Variants in NUP98 observed in about 807,000 individuals in gnomAD.
NUP98 encodes the protein nucleoporin 98 and 96 precursor.
Under a neutral mutation model 191.9 loss-of-function variants are expected in NUP98, and 26 were observed. That is an observed-to-expected ratio of 0.14 (90% confidence interval 0.10 to 0.19). NUP98 has a LOEUF of 0.19. Among genes scored for constraint, NUP98 ranks in the 10% least tolerant of loss-of-function variants. The pLI, the probability that NUP98 is intolerant of heterozygous loss-of-function variation, is 1.00. For missense variants in NUP98, 1,941 were observed against 2,178.8 expected (o/e 0.89, Z 2.17); for synonymous variants, 808 against 778.4 (o/e 1.04, Z -0.63).
intron 10 of NUP98, among the ~76,000 whole-genome samples, chr11:3,754,867 G>C (rs550413161): frequency 6.7e-6 from 1 of 150,188 alleles, no homozygotes; most frequent in Non-Finnish European, 1.5e-5. Context: ...GCTTAAACCC[G>C]GGAGGCAGAG....
At chr11:3,731,031 C>T (rs186727017) in intron 14 of NUP98, among the ~76,000 whole-genome samples, 1 of 152,288 alleles carries the variant, frequency 6.6e-6, no homozygotes, top group African/African-American at 2.4e-5. Flanking sequence ...CTTTGGGAGG[C>T]CAGGCGGCAG....
At chr11:3,760,422 C>T (rs2081125564) in intron 10 of NUP98, 117 bp downstream of exon 10, 1 of 1,418,800 alleles carries the variant, frequency 7.0e-7, no homozygotes, top group Non-Finnish European at 9.9e-7. Flanking sequence ...TCATACGAAT[C>T]AGGAGAATAA....
intron 1 of NUP98, among the ~76,000 whole-genome samples, chr11:3,795,992 C>T (rs2082530470): frequency 6.6e-6 from 1 of 152,194 alleles, no homozygotes; most frequent in South Asian, 2.1e-4. Context: ...AATAATTTTA[C>T]CCAAGTATTT....
chr11:3,702,366 CTCTA>C (rs1261267231), intron 23 of NUP98, 93 bp downstream of exon 23: 7 of 689,366 alleles, frequency 1.0e-5, no homozygotes, highest in African/African-American at 2.2e-5. Context: ...CTCTCTCTCT[CTCTA>C]GAAAGATGAC....
At chr11:3,777,458 T>C (rs1422473816) in intron 4 of NUP98, among the ~76,000 whole-genome samples, 1 of 151,104 alleles carries the variant, frequency 6.6e-6, no homozygotes, top group South Asian at 2.1e-4. Flanking sequence ...CCATCTCTAC[T>C]AAAAATACAA....
intron 14 of NUP98, among the ~76,000 whole-genome samples, chr11:3,726,563 T>G (rs1198118290): frequency 6.7e-6 from 1 of 149,926 alleles, no homozygotes; most frequent in Non-Finnish European, 1.5e-5. Context: ...TTTAAACAAC[T>G]TTATGCCAAT....
At chr11:3,721,128 C>T (rs2079385297) in intron 16 of NUP98, 1 of 171,290 alleles carries the variant, frequency 5.8e-6, no homozygotes, top group African/African-American at 2.4e-5. Flanking sequence ...GATTTAACCA[C>T]AGAACATTAT....
At chr11:3,696,384 C>T (rs1273417251) in intron 25 of NUP98, among the ~76,000 whole-genome samples, 1 of 151,460 alleles carries the variant, frequency 6.6e-6, no homozygotes, top group Non-Finnish European at 1.5e-5. Flanking sequence ...TGACTGGAGT[C>T]CCAGCTACTC....
rs1183062936 is a variant in NUP98, at chr11:3,711,697, A to G, written c.2742+867T>C. 9 of 269,438 alleles carry G rather than the reference A, an allele frequency of 3.3e-5. No individual in the cohort carries two copies. The East Asian group carries it at 5.0e-4, about 15-fold the overall frequency. 16.7% of individuals were successfully genotyped at this position (269,438 alleles called of 1,614,324 possible). A position where few individuals can be genotyped will look rare whatever the true frequency, so the allele number is the denominator to read the frequency against. ...CAAGTCTATAGCATTTCATTTGTCA[A>G]TGGAGATTTCTTAGGGGCATTCTAA... On this transcript the variant is annotated intron_variant, in intron 20 of 32. Coordinates refer to ENST00000324932, the MANE Select transcript of NUP98 (RefSeq NM_016320.5).
intron 25 of NUP98, among the ~76,000 whole-genome samples, chr11:3,698,543 C>T (rs967910462): frequency 1.3e-5 from 2 of 151,488 alleles, no homozygotes; most frequent in Non-Finnish European, 2.9e-5. Context: ...GCCTGACCAA[C>T]ATGGTGAAAC....
intron 8 of NUP98, among the ~76,000 whole-genome samples, chr11:3,766,427 T>C (rs1043932568): frequency 6.6e-6 from 1 of 151,988 alleles, no homozygotes; most frequent in African/African-American, 2.4e-5. Flanking sequence ...CAGTGGCTCA[T>C]GCCTGTAAAC....
intron 7 of NUP98, among the ~76,000 whole-genome samples, chr11:3,771,137 G>A (rs1312716107): frequency 6.6e-6 from 1 of 152,116 alleles, no homozygotes; most frequent in Non-Finnish European, 1.5e-5. Context: ...TGCTAGGACT[G>A]CAGGCGTGAG....
intron 28 of NUP98, among the ~76,000 whole-genome samples, chr11:3,687,429 T>C (rs1015283566): frequency 6.6e-6 from 1 of 152,242 alleles, no homozygotes; most frequent in Non-Finnish European, 1.5e-5. Context: ...ATGAATTGTG[T>C]TATTTAGTGT....
intron 12 of NUP98, among the ~76,000 whole-genome samples, chr11:3,742,699 C>CAA (rs35895691): frequency 4.2e-3 from 351 of 82,846 alleles, no homozygotes; most frequent in African/African-American, 0.015. Flanking sequence ...ACTCTGTCTC[C>CAA]AAAAAAAAAA....
chr11:3,756,960 C>T (rs905752861), intron 10 of NUP98, among the ~76,000 whole-genome samples: 8 of 151,684 alleles, frequency 5.3e-5, no homozygotes, highest in Non-Finnish European at 5.9e-5. Flanking sequence ...TGGCAGCATG[C>T]GCCTACAGTC....
intron 30 of NUP98, 179 bp from the exon 31 acceptor site, chr11:3,679,887 A>C: frequency 1.6e-6 from 1 of 641,034 alleles, no homozygotes; most frequent in South Asian, 2.2e-5. Flanking sequence ...CACCACAATA[A>C]AGCAGGTATC....
intron 14 of NUP98, among the ~76,000 whole-genome samples, chr11:3,729,816 C>T (rs2079774273): frequency 6.6e-6 from 1 of 151,062 alleles, no homozygotes; most frequent in African/African-American, 2.4e-5. Flanking sequence ...AATGTATGTC[C>T]TCCCACTCTA....
intron 1 of NUP98, among the ~76,000 whole-genome samples, 154 bp from the exon 2 acceptor site, chr11:3,782,299 T>G (rs879611113): frequency 2.6e-5 from 4 of 152,224 alleles, no homozygotes; most frequent in Non-Finnish European, 4.4e-5. Context: ...ATAAACCTTG[T>G]AAAATGATCT....
chr11:3,707,930 G>A (rs1366186293), intron 20 of NUP98, among the ~76,000 whole-genome samples: 1 of 151,722 alleles, frequency 6.6e-6, no homozygotes, highest in Non-Finnish European at 1.5e-5. Context: ...AAGAAACCCT[G>A]TCTCTACTAA....
Sources: gnomAD v4.1 joint callset for allele counts (sites outside exome capture counted in the v4.1 genomes callset) on GRCh38, gnomAD v4.1.1 for gene constraint, MANE v1.5 for transcripts, NCBI Gene and HGNC (gene_info 2026-07-23, HGNC 2026-07-21) for gene names.